The following FLT3 variants were observed in gnomAD, a reference collection of about 807,000 sequenced individuals.
The protein encoded by FLT3 is receptor-type tyrosine-protein kinase FLT3.
Under a neutral mutation model 126.6 loss-of-function variants are expected in FLT3, and 46 were observed. The ratio of observed to expected loss-of-function variants is 0.36; its 90% CI spans 0.29 to 0.46. FLT3 has a LOEUF of 0.46. Ranked by LOEUF, FLT3 falls within the 20% of genes least tolerant of loss-of-function variation. The pLI is 1.00. For synonymous variants in FLT3, 404 were observed against 434.4 expected (o/e 0.93, Z 0.87); for missense variants, 1,069 against 1,190.3 (o/e 0.90, Z 1.50).
Position 28,070,603 on chromosome 13 carries a change from G to A in FLT3, c.53C>T (p.Ser18Phe). ...GGQLPLLVVF[S>F]AMIFGTITNQ... ...TGTAATAGTCCCAAATATCATTGCAGAAAAAACAACTGTAAAACAAAATAA... is the reference window on the plus strand; with the variant it reads ...TGTAATAGTCCCAAATATCATTGCAAAAAAAACAACTGTAAAACAAAATAA... The change falls in exon 2 of 24, where the codon TCT (serine) becomes TTT (phenylalanine). Residue 18 changes from serine to phenylalanine, a missense_variant. Ser to Phe is a radical substitution (Grantham distance 155). Coordinates refer to ENST00000241453, the MANE Select transcript of FLT3 (RefSeq NM_004119.3). The A allele has an allele frequency of 6.3e-7, 1 of 1,597,434 alleles. No homozygotes were observed. The highest frequency in any genetic ancestry group is 1.1e-5 in the South Asian group (1 of 90,486).
At chr13:28,063,329 A>C (rs1272443804) in intron 2 of FLT3, among the ~76,000 whole-genome samples, 3 of 152,076 alleles carry the variant, frequency 2.0e-5, no homozygotes. Context: ...AAATACAAAA[A>C]ATTAGCTGGG....
intron 23 of FLT3, among the ~76,000 whole-genome samples, chr13:28,007,690 C>G (rs1270522570): frequency 6.6e-6 from 1 of 152,132 alleles, no homozygotes; most frequent in African/African-American, 2.4e-5. Flanking sequence ...TACCATGTTA[C>G]CTTAGGCAAA....
At chr13:28,048,500 T>C in intron 8 of FLT3, 57 bp from the exon 9 acceptor site, 1 of 1,160,180 alleles carries the variant, frequency 8.6e-7, no homozygotes, top group Non-Finnish European at 1.3e-6. Context: ...GGGAAACGTA[T>C]TGAGAAGATA....
chr13:28,097,142 G>A (rs903845931), intron 1 of FLT3, among the ~76,000 whole-genome samples: 4 of 151,916 alleles, frequency 2.6e-5, no homozygotes, highest in African/African-American at 9.7e-5. Context: ...CTTGAGCCCA[G>A]GAGGTTGAAG....
rs1156720597 is a variant in FLT3, at chr13:28,011,333, AGAGGG to A, written c.2859+3114_2859+3118del. 9.6e-3 allele frequency among the ~76,000 whole-genome samples: 813 copies of A among 84,810 alleles called. 25 individuals carry two copies. The highest frequency in any genetic ancestry group is 0.03 in the African/African-American group (663 of 22,412). The allele number at this position is 84,810 out of a possible 152,430, so 55.6% of individuals were successfully genotyped here. A position where few individuals can be genotyped will look rare whatever the true frequency, so the allele number is the denominator to read the frequency against. ...TCAAAAAAAAAGAAAAGAGGAGAGG[AGAGGG>A]GAGGGGAGGGGAGGGGAGGGGAGGA... is the stretch of plus-strand genomic sequence containing the variant. On this transcript the variant is annotated intron_variant, in intron 23 of 23. Transcript: ENST00000241453.
At chr13:28,019,451 T>C (rs1015112948) in intron 19 of FLT3, among the ~76,000 whole-genome samples, 8 of 152,062 alleles carry the variant, frequency 5.3e-5, no homozygotes, top group Non-Finnish European at 1.2e-4. Flanking sequence ...AAATGAACTT[T>C]ACAAAGGAAG....
chr13:28,010,896 A>G (rs1871295099), intron 23 of FLT3, among the ~76,000 whole-genome samples: 1 of 147,608 alleles, frequency 6.8e-6, no homozygotes. Flanking sequence ...CCAGCTACTC[A>G]AGAGGCTGAG....
At chr13:28,049,877 A>C (rs1875277772) in intron 6 of FLT3, 103 bp from the exon 7 acceptor site, 1 of 1,271,416 alleles carries the variant, frequency 7.9e-7, no homozygotes, top group Non-Finnish European at 1.1e-6. Context: ...ATCATCTCAA[A>C]TATTACTAAC....
At position 28,028,218 on chromosome 13, in the gene FLT3, G is replaced by A. The variant is rs149216274; in HGVS notation, c.2013C>T (p.His671=). 8.1e-5 allele frequency: 130 copies of A among 1,611,484 alleles called. 2 individuals are homozygous for A. The East Asian group carries it at 2.2e-3, about 27-fold the overall frequency. The change falls in exon 16 of 24, where the codon CAC becomes CAT. Residue 671 remains histidine, a synonymous_variant. Transcript: ENST00000241453. ...CCCCCAGCAGGTTCACAATATTCTCGTGGCTTCCCAGCTGGGTCATCATCT... is the reference window on the plus strand; with the variant it reads ...CCCCCAGCAGGTTCACAATATTCTCATGGCTTCCCAGCTGGGTCATCATCT... ...ELKMMTQLGS[H]ENIVNLLGAC...
rs778216126 is a variant in FLT3 at position 28,048,395 on chromosome 13, T to C, written c.1085A>G (p.Asp362Gly). ...ATNSSEDYEIDQYEEFCFSVR... is the reference protein window; with the variant it reads ...ATNSSEDYEIGQYEEFCFSVR... ...AGAAAAACAAAACTCTTCATATTGGTCAATTTCATAATCTTCACTTGAATT... is the reference window on the plus strand; with the variant it reads ...AGAAAAACAAAACTCTTCATATTGGCCAATTTCATAATCTTCACTTGAATT... The change falls in exon 9 of 24, where the codon GAC (aspartate) becomes GGC (glycine). Residue 362 changes from aspartate to glycine, a missense_variant. Coordinates refer to ENST00000241453, the MANE Select transcript of FLT3 (RefSeq NM_004119.3). 1 of 1,611,428 alleles carries C rather than the reference T, an allele frequency of 6.2e-7. No individual in the cohort carries two copies. The highest frequency in any genetic ancestry group is 1.1e-5 in the South Asian group (1 of 91,002).
At chr13:28,072,753 C>T (rs1193793451) in intron 1 of FLT3, among the ~76,000 whole-genome samples, 1 of 152,078 alleles carries the variant, frequency 6.6e-6, no homozygotes, top group African/African-American at 2.4e-5. Context: ...CCTGTAATCC[C>T]AGCACTTTGG....
chr13:28,078,904 G>A (rs1322113878), intron 1 of FLT3, among the ~76,000 whole-genome samples: 2 of 152,108 alleles, frequency 1.3e-5, no homozygotes, highest in Admixed American at 1.3e-4. Flanking sequence ...AGTAGAGACA[G>A]GGTTTTACTG....
In FLT3 at chr13:28,027,228, C is replaced by T. The variant is rs2137652606; in HGVS notation, c.2067G>A (p.Leu689=). The part of the protein sequence containing the change: ...GACTLSGPIY[L]IFEYCCYGDL... ...CACCATAGCAACAGTATTCAAAAATCAAGTAAATTGGTCCTGAAATAGTTA... is the reference window on the plus strand; with the variant it reads ...CACCATAGCAACAGTATTCAAAAATTAAGTAAATTGGTCCTGAAATAGTTA... Residue 689 remains leucine, a synonymous_variant, in exon 17 of 24, where the codon TTG becomes TTA. Transcript: ENST00000241453. 6.2e-7 allele frequency: 1 copy of T among 1,610,084 alleles called. No individual in the cohort carries two copies. Among genetic ancestry groups the T allele is most frequent in the Non-Finnish European group, 8.5e-7 (1 of 1,178,190 alleles).
At chr13:28,082,633 G>A (rs1878406293) in intron 1 of FLT3, among the ~76,000 whole-genome samples, 2 of 152,022 alleles carry the variant, frequency 1.3e-5, no homozygotes. Context: ...CTTCCAAGTA[G>A]CTGGGACTAC....
Position 28,091,291 on chromosome 13 carries a change from G to A in FLT3, c.43+9177C>T, listed in dbSNP as rs576739874. Among the ~76,000 whole-genome samples the A allele has an allele frequency of 6.2e-4, 76 of 122,072 alleles. 1 individual carries two copies. The highest frequency in any genetic ancestry group is 2.9e-3 in the South Asian group (10 of 3,482). The allele number at this position is 122,072 out of a possible 152,430, so 80.1% of individuals were successfully genotyped here. ...GGCTGGAGTGCAGTGGCGCGATCTC[G>A]GCTCACTGCAAGCTCCGCCTCCCGG... On this transcript the variant is annotated intron_variant, in intron 1 of 23. Transcript: ENST00000241453.
chr13:28,082,656 C>T (rs559828120), intron 1 of FLT3, among the ~76,000 whole-genome samples: 9 of 149,270 alleles, frequency 6.0e-5, no homozygotes, highest in African/African-American at 1.2e-4. Context: ...TCAGGAGCCA[C>T]GACGCCCAGC....
At chr13:28,081,211 T>C (rs541091870) in intron 1 of FLT3, among the ~76,000 whole-genome samples, 2 of 152,334 alleles carry the variant, frequency 1.3e-5, no homozygotes, top group Admixed American at 6.5e-5. Context: ...CTAGATCAAT[T>C]TGGGCAAAAC....
intron 15 of FLT3, among the ~76,000 whole-genome samples, chr13:28,032,367 C>T (rs1341384825): frequency 2.0e-5 from 3 of 152,178 alleles, no homozygotes; most frequent in African/African-American, 7.2e-5. Context: ...AAACGCAAGG[C>T]GGTCCAGGAG....
At chr13:28,064,009 T>C (rs941775829) in intron 2 of FLT3, among the ~76,000 whole-genome samples, 1 of 151,974 alleles carries the variant, frequency 6.6e-6, no homozygotes, top group Admixed American at 6.6e-5. Context: ...TGGTGGTACA[T>C]GCCTGTAGTT....
Sources: gnomAD v4.1 joint callset for allele counts (sites outside exome capture counted in the v4.1 genomes callset) on GRCh38, gnomAD v4.1.1 for gene constraint, MANE v1.5 for transcripts, NCBI Gene and HGNC (gene_info 2026-07-23, HGNC 2026-07-21) for gene names.